CROT: variants seen among roughly 807,000 people sequenced by gnomAD.
CROT encodes the protein carnitine O-octanoyltransferase.
In CROT, 84 loss-of-function variants were observed where a neutral mutation model predicts 89.2. That is an observed-to-expected ratio of 0.94 (90% confidence interval 0.79 to 1.13). The LOEUF (loss-of-function observed/expected upper bound fraction) is 1.13, where lower values mean the gene tolerates loss of function less well. Among genes scored for constraint, CROT ranks in the 50% most tolerant of loss-of-function variants. The pLI is 0.00. For synonymous variants in CROT, 212 were observed against 239.5 expected, an observed-to-expected ratio of 0.89 and a Z score of 1.06; for missense variants, 711 against 727.8, an observed-to-expected ratio of 0.98 and a Z score of 0.27.
chr7:87,353,473 A>G (rs1439494963), intron 3 of CROT, among the ~76,000 whole-genome samples: 4 of 152,126 alleles, frequency 2.6e-5, no homozygotes, highest in Non-Finnish European at 5.9e-5. Flanking sequence ...TTTCTAGTAT[A>G]TATAATTATC....
intron 13 of CROT, among the ~76,000 whole-genome samples, chr7:87,383,738 C>A (rs754489518): frequency 2.0e-5 from 3 of 152,084 alleles, no homozygotes; most frequent in African/African-American, 7.2e-5. Context: ...CTCAGGTGAT[C>A]TGCGTGCCTT....
At chr7:87,379,657 G>A (rs915518225) in intron 10 of CROT, among the ~76,000 whole-genome samples, 1 of 152,172 alleles carries the variant, frequency 6.6e-6, no homozygotes, top group African/African-American at 2.4e-5. Flanking sequence ...TTTATAGTGT[G>A]CGGACATGTT....
intron 3 of CROT, among the ~76,000 whole-genome samples, chr7:87,353,055 C>G (rs1323888507): frequency 6.6e-6 from 1 of 152,196 alleles, no homozygotes; most frequent in Non-Finnish European, 1.5e-5. Context: ...AGTCAAAGCC[C>G]TGTAACTGTA....
chr7:87,375,011 A>G (rs1806760432), intron 7 of CROT, among the ~76,000 whole-genome samples: 1 of 152,104 alleles, frequency 6.6e-6, no homozygotes, highest in East Asian at 1.9e-4. Context: ...CTGTATGTTT[A>G]AAGATACATG....
chr7:87,378,874 G>A (rs1055399609), intron 10 of CROT, among the ~76,000 whole-genome samples: 5 of 152,186 alleles, frequency 3.3e-5, no homozygotes, highest in African/African-American at 9.7e-5. Context: ...TCAGAACAAG[G>A]TGGATTGGTT....
At chr7:87,387,130 T>C (rs1409523451) in intron 13 of CROT, among the ~76,000 whole-genome samples, 1 of 151,920 alleles carries the variant, frequency 6.6e-6, no homozygotes, top group Non-Finnish European at 1.5e-5. Context: ...CATCACAGCC[T>C]CCATTTTGGT....
chr7:87,387,680 G>A (rs1471393153), intron 13 of CROT, among the ~76,000 whole-genome samples: 1 of 152,166 alleles, frequency 6.6e-6, no homozygotes, highest in Non-Finnish European at 1.5e-5. Flanking sequence ...GGCTGGGCAT[G>A]GTGGCTCACA....
At chr7:87,353,134 G>A (rs1035850434) in intron 3 of CROT, among the ~76,000 whole-genome samples, 4 of 151,926 alleles carry the variant, frequency 2.6e-5, no homozygotes, top group Non-Finnish European at 4.4e-5. Context: ...TCCTTTAACG[G>A]ATTTTTTTTC....
intron 1 of CROT, among the ~76,000 whole-genome samples, chr7:87,346,065 C>A (rs566448072): frequency 6.6e-6 from 1 of 152,124 alleles, no homozygotes; most frequent in Non-Finnish European, 1.5e-5. Context: ...TGCCACTCTG[C>A]GACGAACCTG....
intron 13 of CROT, among the ~76,000 whole-genome samples, chr7:87,391,346 C>T (rs1463363645): frequency 6.6e-6 from 1 of 152,130 alleles, no homozygotes; most frequent in African/African-American, 2.4e-5. Context: ...ATCACGGGGG[C>T]CATCTTAGAG....
rs746632623 is a variant in CROT, at chr7:87,382,020, T to C, written c.1062+27T>C. The C allele has an allele frequency of 5.0e-6, 8 of 1,587,414 alleles. No individual in the cohort carries two copies. In the South Asian group the frequency reaches 9.0e-5, roughly 18 times the overall value. ...TATGTTTGAATAAATATTTCATCTT[T>C]TTTCTCCTAATAGTTCTATAGATAA... On this transcript the variant is annotated intron_variant, in intron 11 of 17. Transcript: ENST00000331536.
At chr7:87,390,357 T>C (rs1807320233) in intron 13 of CROT, among the ~76,000 whole-genome samples, 1 of 152,218 alleles carries the variant, frequency 6.6e-6, no homozygotes. Context: ...TTGCTAAGGT[T>C]CATTATTTCA....
rs756941293 is a variant in CROT at position 87,361,129 on chromosome 7, AT to A, written c.241-247del. 7.4e-3 allele frequency among the ~76,000 whole-genome samples: 1,048 copies of A among 141,808 alleles called. 9 individuals are homozygous for A. The highest frequency in any genetic ancestry group is 0.017 in the African/African-American group (669 of 38,720). 93.0% of individuals were successfully genotyped at this position (141,808 alleles called of 152,430 possible). A position where few individuals can be genotyped will look rare whatever the true frequency, so the allele number is the denominator to read the frequency against. ...GACTACATGCAGGCCCAGCTAATTAATTTTTTTTTTTTTTGTAGAGACAGGG... is the reference window on the plus strand; with the variant it reads ...GACTACATGCAGGCCCAGCTAATTAATTTTTTTTTTTTTGTAGAGACAGGG... On this transcript the variant is annotated intron_variant, in intron 4 of 17. Coordinates refer to ENST00000331536, the MANE Select transcript of CROT (RefSeq NM_021151.4).
chr7:87,360,215 T>G, intron 4 of CROT: 6 of 498,226 alleles, frequency 1.2e-5, no homozygotes, highest in Non-Finnish European at 1.6e-5. Flanking sequence ...CCAGGTAATT[T>G]GATAAGATGT....
chr7:87,356,140 C>T (rs1209221266), intron 3 of CROT, among the ~76,000 whole-genome samples: 1 of 152,054 alleles, frequency 6.6e-6, no homozygotes, highest in African/African-American at 2.4e-5. Context: ...GCCACCATGC[C>T]CTGCTAATTT....
At chr7:87,356,834 C>T (rs773653584) in intron 3 of CROT, among the ~76,000 whole-genome samples, 21 of 152,096 alleles carry the variant, frequency 1.4e-4, no homozygotes, top group Admixed American at 2.6e-4. Context: ...CCAGCTTGGC[C>T]AAGATGGTGA....
rs74867325 is a variant in CROT at position 87,382,393 on chromosome 7, C to T, written c.1171-20C>T. ...TCCTTAGGTGATTTTTCACCGTTCT[C>T]ATTTAATTCTTCTTGTTAGGCATCT... On this transcript the variant is annotated intron_variant, in intron 12 of 17. Transcript: ENST00000331536. 5.1e-3 allele frequency: 8,142 copies of T among 1,606,986 alleles called. 329 individuals carry two copies. The African/African-American group carries it at 0.094, about 19-fold the overall frequency.
At chr7:87,371,094 A>C (rs1806615937) in intron 7 of CROT, among the ~76,000 whole-genome samples, 1 of 152,204 alleles carries the variant, frequency 6.6e-6, no homozygotes, top group South Asian at 2.1e-4. Context: ...CCAGTTTATT[A>C]ATCTTTTAAT....
At chr7:87,368,122 C>T (rs1806505500) in intron 6 of CROT, among the ~76,000 whole-genome samples, 1 of 152,286 alleles carries the variant, frequency 6.6e-6, no homozygotes, top group East Asian at 1.9e-4. Context: ...TTCCTTTAAG[C>T]AGATCAACTC....
Sources: allele counts gnomAD v4.1 joint callset (sites outside exome capture counted in the v4.1 genomes callset), GRCh38; gene constraint gnomAD v4.1.1; transcripts MANE v1.5; gene names NCBI Gene and HGNC (gene_info 2026-07-23, HGNC 2026-07-21).